The following TMOD1 variants were observed in gnomAD, a reference collection of about 807,000 sequenced individuals.
TMOD1 encodes the protein tropomodulin-1.
A neutral mutation model predicts 40.6 loss-of-function variants in TMOD1; 17 were observed. That is an observed-to-expected ratio of 0.42 (90% CI 0.29 to 0.63). The LOEUF (loss-of-function observed/expected upper bound fraction) is 0.63. TMOD1 is among the 20% of genes least tolerant of loss of function. The pLI is 0.22. For synonymous variants in TMOD1, 181 were observed against 175.0 expected (o/e 1.03, Z -0.27); for missense variants, 391 against 447.6 (o/e 0.87, Z 1.14).
At chr9:97,503,608 C>T (rs1829539985) in intron 1 of TMOD1, among the ~76,000 whole-genome samples, 1 of 152,220 alleles carries the variant, frequency 6.6e-6, no homozygotes, top group South Asian at 2.1e-4. Context: ...TTCTCCCAGC[C>T]TAAGATGAAA....
chr9:97,590,237 T>TTTTGGAGACAGAGTCTCGCTCTGTCGCC (rs2131291447), intron 8 of TMOD1, among the ~76,000 whole-genome samples: 2 of 152,048 alleles, frequency 1.3e-5, no homozygotes, highest in Non-Finnish European at 2.9e-5. Flanking sequence ...ATTTTTTGTT[T>TTTTGGAGACAGAGTCTCGCTCTGTCGCC]TTTGGAGACA....
At chr9:97,531,626 AG>A (rs1830104208) in intron 2 of TMOD1, among the ~76,000 whole-genome samples, 1 of 152,154 alleles carries the variant, frequency 6.6e-6, no homozygotes, top group Non-Finnish European at 1.5e-5. Flanking sequence ...CAGAGTTCTG[AG>A]AACAAAGGGC....
chr9:97,558,468 G>C (rs944206993), intron 4 of TMOD1, among the ~76,000 whole-genome samples: 9 of 152,112 alleles, frequency 5.9e-5, no homozygotes, highest in Admixed American at 1.3e-4. Flanking sequence ...TTTTTAGACA[G>C]AGTCTCACTC....
intron 2 of TMOD1, among the ~76,000 whole-genome samples, chr9:97,545,010 CAA>C (rs3052089): frequency 3.5e-4 from 29 of 82,904 alleles, no homozygotes; most frequent in Middle Eastern, 7.4e-3. Flanking sequence ...GAGTCCATCT[CAA>C]AAAAAAAAAA....
intron 4 of TMOD1, chr9:97,555,422 G>C: frequency 2.9e-6 from 4 of 1,385,716 alleles, no homozygotes; most frequent in South Asian, 3.2e-5. Context: ...GACTGCCGGC[G>C]CCTGCGGTTC....
intron 9 of TMOD1, among the ~76,000 whole-genome samples, chr9:97,591,968 T>G (rs574504811): frequency 5.3e-5 from 8 of 149,888 alleles, no homozygotes; most frequent in Non-Finnish European, 8.9e-5. Flanking sequence ...AAGGCATAGT[T>G]TGTTTTTTTC....
intron 9 of TMOD1, among the ~76,000 whole-genome samples, chr9:97,598,761 G>A (rs1826174604): frequency 1.3e-5 from 2 of 152,160 alleles, no homozygotes; most frequent in Admixed American, 1.3e-4. Flanking sequence ...GTGGCTGCAG[G>A]TCTACCGCCT....
At chr9:97,525,521 T>A (rs1280050226) in intron 2 of TMOD1, among the ~76,000 whole-genome samples, 1 of 152,230 alleles carries the variant, frequency 6.6e-6, no homozygotes, top group African/African-American at 2.4e-5. Context: ...CCTCAGCTGG[T>A]TGTGGTTCTT....
intron 6 of TMOD1, among the ~76,000 whole-genome samples, chr9:97,564,404 G>A (rs770208360): frequency 6.6e-6 from 1 of 152,304 alleles, no homozygotes; most frequent in Middle Eastern, 3.4e-3. Flanking sequence ...GATGATATCA[G>A]GCCCAGATGT....
intron 1 of TMOD1, among the ~76,000 whole-genome samples, chr9:97,507,024 C>G (rs935501047): frequency 2.1e-4 from 32 of 152,188 alleles, no homozygotes; most frequent in African/African-American, 7.0e-4. Flanking sequence ...ATCTACAAAC[C>G]ACCACATTTT....
Position 97,562,719 on chromosome 9 carries a change from C to T in TMOD1, c.398-13C>T, listed in dbSNP as rs1027955336. ...GCAGAGGCACATCATGAGCCCTTCC[C>T]TTGTCCCTGCAGCGATCCTGGGCAT... On this transcript the variant is annotated splice_polypyrimidine_tract_variant and intron_variant, in intron 4 of 9. Transcript: ENST00000259365. The T allele has an allele frequency of 2.6e-6, 4 of 1,527,738 alleles. No homozygotes were observed. In the Admixed American group the frequency reaches 9.4e-5, roughly 36 times the overall value. 94.6% of individuals were successfully genotyped at this position (1,527,738 alleles called of 1,614,324 possible).
Position 97,599,827 on chromosome 9 carries a change from A to G in TMOD1, c.*129A>G, listed in dbSNP as rs1364920213. 1.4e-5 allele frequency: 21 copies of G among 1,535,526 alleles called. No individual in the cohort carries two copies. The highest frequency in any genetic ancestry group is 1.9e-5 in the Non-Finnish European group (21 of 1,134,124). On this transcript the variant is annotated 3_prime_UTR_variant, in exon 10 of 10. Transcript: ENST00000259365. ...TTTGTGGTTCAGTTCTTTATGCACT[A>G]AGGTTTTAGGTTGACTAGTGGTTGT...
At chr9:97,527,548 A>C (rs1353768488) in intron 2 of TMOD1, among the ~76,000 whole-genome samples, 1 of 151,912 alleles carries the variant, frequency 6.6e-6, no homozygotes, top group African/African-American at 2.4e-5. Flanking sequence ...CCGCAAGGAG[A>C]GTGTTGTGTA....
At chr9:97,509,518 TG>T (rs57308185) in intron 1 of TMOD1, among the ~76,000 whole-genome samples, 52,123 of 137,960 alleles carry the variant, frequency 0.38, 10,694 homozygotes, top group Middle Eastern at 0.51. Flanking sequence ...TTTTGTTTTT[TG>T]TTTTTTTTTT....
intron 4 of TMOD1, 64 bp downstream of exon 4, chr9:97,553,464 C>G (rs1467994544): frequency 4.4e-6 from 7 of 1,600,200 alleles, no homozygotes; most frequent in South Asian, 2.2e-5. Context: ...CTGCAGGGAG[C>G]CTTGTAGGGC....
intron 8 of TMOD1, among the ~76,000 whole-genome samples, chr9:97,588,567 TGAA>T (rs947353442): frequency 2.4e-4 from 36 of 152,302 alleles, no homozygotes; most frequent in African/African-American, 8.7e-4. Flanking sequence ...TTGTGTCTGT[TGAA>T]GCACAAAAGT....
chr9:97,566,078 C>T, intron 7 of TMOD1, 123 bp downstream of exon 7: 1 of 777,742 alleles, frequency 1.3e-6, no homozygotes, highest in Non-Finnish European at 2.1e-6. Context: ...CAGTGGAAGG[C>T]ATTGGACCAG....
Position 97,601,421 on chromosome 9 carries a change from T to C in TMOD1, c.*1723T>C, listed in dbSNP as rs528276309. 8 of 1,036,930 alleles carry C rather than the reference T, an allele frequency of 7.7e-6. No homozygotes were observed. In the South Asian group the frequency reaches 1.8e-4, roughly 24 times the overall value. The allele number at this position is 1,036,930 out of a possible 1,614,324, so 64.2% of individuals were successfully genotyped here. On this transcript the variant is annotated 3_prime_UTR_variant, in exon 10 of 10. Transcript: ENST00000259365. Reference sequence around the variant, plus strand: ...TGTGGCTCAAATGTCACCGAGCTTATATGAAGCTCCCAGAGAGAACATTTA... The same window carrying C: ...TGTGGCTCAAATGTCACCGAGCTTACATGAAGCTCCCAGAGAGAACATTTA...
chr9:97,545,217 G>T (rs1440923504), intron 2 of TMOD1, among the ~76,000 whole-genome samples: 1 of 152,204 alleles, frequency 6.6e-6, no homozygotes, highest in African/African-American at 2.4e-5. Context: ...TTTTGTTCTA[G>T]ATCTGTCCTG....
Sources: gnomAD v4.1 joint callset for allele counts (sites outside exome capture counted in the v4.1 genomes callset) on GRCh38, gnomAD v4.1.1 for gene constraint, MANE v1.5 for transcripts, NCBI Gene and HGNC (gene_info 2026-07-23, HGNC 2026-07-21) for gene names.